The following PTPRD variants were observed in gnomAD, a reference collection of about 807,000 sequenced individuals.
PTPRD encodes protein tyrosine phosphatase receptor type D.
Under a neutral mutation model 214.5 loss-of-function variants are expected in PTPRD, and 34 were observed. That is an observed-to-expected ratio of 0.16 (90% CI 0.12 to 0.21). The LOEUF (loss-of-function observed/expected upper bound fraction) is 0.21, where lower values mean the gene tolerates loss of function less well. PTPRD is among the 10% of genes least tolerant of loss of function. PTPRD has a pLI of 1.00. For synonymous variants in PTPRD, 1,128 were observed against 845.7 expected, an observed-to-expected ratio of 1.33 and a Z score of -5.79; for missense variants, 2,545 against 2,398.7, an observed-to-expected ratio of 1.06 and a Z score of -1.27.
intron 7 of PTPRD, among the ~76,000 whole-genome samples, chr9:9,714,703 A>G (rs1259536873): frequency 3.3e-5 from 5 of 152,310 alleles, no homozygotes; most frequent in Admixed American, 2.0e-4. Context: ...GGAGCTGATC[A>G]TACTGATAGC....
chr9:10,135,538 G>A (rs2098936292), intron 3 of PTPRD, among the ~76,000 whole-genome samples: 1 of 152,020 alleles, frequency 6.6e-6, no homozygotes, highest in African/African-American at 2.4e-5. Flanking sequence ...CCTCTCAGCA[G>A]GAACATTACA....
chr9:10,314,012 T>C (rs542445866), intron 3 of PTPRD, among the ~76,000 whole-genome samples: 1 of 152,010 alleles, frequency 6.6e-6, no homozygotes, highest in South Asian at 2.1e-4. Context: ...TAAATGGACG[T>C]GATGATACAG....
At chr9:10,318,672 G>A (rs1373289561) in intron 3 of PTPRD, among the ~76,000 whole-genome samples, 1 of 151,968 alleles carries the variant, frequency 6.6e-6, no homozygotes, top group Non-Finnish European at 1.5e-5. Flanking sequence ...GAGTGCAGTG[G>A]CACGATCTTG....
chr9:10,405,349 GA>G (rs2098336364), intron 2 of PTPRD, among the ~76,000 whole-genome samples: 1 of 151,600 alleles, frequency 6.6e-6, no homozygotes, highest in South Asian at 2.1e-4. Flanking sequence ...CAGTGACATG[GA>G]ATTTTTACTT....
intron 5 of PTPRD, among the ~76,000 whole-genome samples, chr9:9,880,088 G>T (rs528279169): frequency 4.5e-4 from 69 of 152,270 alleles, no homozygotes; most frequent in African/African-American, 1.6e-3. Context: ...GGAGGTGATT[G>T]GATCATGGGG....
intron 9 of PTPRD, among the ~76,000 whole-genome samples, chr9:9,281,889 A>G (rs1345915370): frequency 6.6e-6 from 1 of 151,352 alleles, no homozygotes; most frequent in African/African-American, 2.4e-5. Flanking sequence ...AAACTGTAGT[A>G]TATCCAGATG....
intron 14 of PTPRD, among the ~76,000 whole-genome samples, chr9:8,595,416 C>T (rs7035431): frequency 0.22 from 32,952 of 152,008 alleles, 3,581 homozygotes; most frequent in Middle Eastern, 0.28. Flanking sequence ...AAATGCCATA[C>T]AGGGGCATTC....
rs548020781 is a variant in PTPRD at position 10,518,488 on chromosome 9, T to C, written c.-600+93910A>G. 9.2e-5 allele frequency among the ~76,000 whole-genome samples: 14 copies of C among 152,262 alleles called. No homozygotes were observed. In the South Asian group the frequency reaches 2.9e-3, roughly 32 times the overall value. ...CAAGTTTAAGGAATTAAAAGTCAAA[T>C]GTGTACAGCTTGGTCAAGGTTAAAA... On this transcript the variant is annotated intron_variant, in intron 2 of 45. Coordinates refer to ENST00000381196, the MANE Select transcript of PTPRD (RefSeq NM_002839.4).
intron 12 of PTPRD, among the ~76,000 whole-genome samples, chr9:8,731,097 A>G (rs537404977): frequency 2.1e-4 from 32 of 152,368 alleles, no homozygotes; most frequent in South Asian, 8.3e-4. Context: ...ACCAAGGCTT[A>G]TAAGAGCCCT....
At chr9:10,222,828 G>C (rs1269102087) in intron 3 of PTPRD, among the ~76,000 whole-genome samples, 1 of 151,894 alleles carries the variant, frequency 6.6e-6, no homozygotes, top group African/African-American at 2.4e-5. Context: ...AGAAAGAAAA[G>C]GAAGGAAACT....
chr9:9,955,470 C>T (rs892464765), intron 4 of PTPRD, among the ~76,000 whole-genome samples: 1 of 151,676 alleles, frequency 6.6e-6, no homozygotes, highest in South Asian at 2.1e-4. Context: ...TTACATTGGC[C>T]ACAACATTGA....
chr9:9,245,875 T>C (rs376756886), intron 9 of PTPRD, among the ~76,000 whole-genome samples: 1 of 152,082 alleles, frequency 6.6e-6, no homozygotes, highest in Admixed American at 6.6e-5. Flanking sequence ...ATATAGATAT[T>C]ATAGGTGAAA....
chr9:8,331,413 T>A (rs1840850897), intron 44 of PTPRD, among the ~76,000 whole-genome samples, 169 bp downstream of exon 44: 1 of 47,216 alleles, frequency 2.1e-5, no homozygotes, highest in Non-Finnish European at 3.1e-5. Context: ...CTGATTATTT[T>A]CACTTATTTT....
chr9:10,304,874 CA>C (rs1419804754), intron 3 of PTPRD, among the ~76,000 whole-genome samples: 2 of 152,102 alleles, frequency 1.3e-5, no homozygotes. Flanking sequence ...GTCAAGCTAC[CA>C]TTGACTTTCT....
At chr9:10,187,771 G>C (rs562394319) in intron 3 of PTPRD, among the ~76,000 whole-genome samples, 3 of 152,254 alleles carry the variant, frequency 2.0e-5, no homozygotes, top group African/African-American at 4.8e-5. Flanking sequence ...ATAACTATTT[G>C]TAGCTGACCC....
chr9:8,839,508 A>T (rs1419588400), intron 11 of PTPRD, among the ~76,000 whole-genome samples: 1 of 152,064 alleles, frequency 6.6e-6, no homozygotes, highest in African/African-American at 2.4e-5. Context: ...TATTTTTAGT[A>T]GAGATGAGGT....
intron 3 of PTPRD, among the ~76,000 whole-genome samples, chr9:10,207,734 A>G (rs574646227): frequency 1.3e-5 from 2 of 151,912 alleles, no homozygotes; most frequent in Admixed American, 6.5e-5. Context: ...TTATATATAT[A>G]TTTAATAATT....
chr9:9,248,084 T>A (rs1482665334), intron 9 of PTPRD, among the ~76,000 whole-genome samples: 1 of 151,756 alleles, frequency 6.6e-6, no homozygotes, highest in African/African-American at 2.4e-5. Flanking sequence ...AGCTCCTAAG[T>A]TATCTATTAT....
At chr9:8,409,898 T>C (rs2093371354) in intron 35 of PTPRD, among the ~76,000 whole-genome samples, 1 of 152,178 alleles carries the variant, frequency 6.6e-6, no homozygotes, top group African/African-American at 2.4e-5. Context: ...CCATTCTTTT[T>C]ACAGGGAATT....
Sources: gnomAD v4.1 joint callset for allele counts (sites outside exome capture counted in the v4.1 genomes callset) on GRCh38, gnomAD v4.1.1 for gene constraint, MANE v1.5 for transcripts, NCBI Gene and HGNC (gene_info 2026-07-23, HGNC 2026-07-21) for gene names.